The following WNK2 variants were observed in gnomAD, a reference collection of about 807,000 sequenced individuals.
The protein encoded by WNK2 is WNK lysine deficient protein kinase 2.
WNK2 carries 67 observed loss-of-function variants against 192.1 expected under a neutral mutation model. The observed-to-expected ratio is 0.35, with a 90% confidence interval of 0.29 to 0.43. The LOEUF (loss-of-function observed/expected upper bound fraction) is 0.43, where lower values mean the gene tolerates loss of function less well. WNK2 is among the 20% of genes least tolerant of loss of function. The pLI, the probability that WNK2 is intolerant of heterozygous loss-of-function variation, is 1.00. For missense variants in WNK2, 2,698 were observed against 3,089.7 expected (o/e 0.87, Z 3.01); for synonymous variants, 1,439 against 1,393.9 (o/e 1.03, Z -0.72).
chr9:93,243,493 T>G (rs1382482634), intron 7 of WNK2, among the ~76,000 whole-genome samples: 1 of 152,210 alleles, frequency 6.6e-6, no homozygotes, highest in African/African-American at 2.4e-5. Flanking sequence ...TGCATTTTTT[T>G]CATTGTGAGA....
intron 23 of WNK2, among the ~76,000 whole-genome samples, chr9:93,295,091 C>T (rs2133931505): frequency 6.6e-6 from 1 of 152,304 alleles, no homozygotes; most frequent in East Asian, 1.9e-4. Context: ...CTGAGCCCAG[C>T]CTGTGCTTTC....
At chr9:93,278,133 C>A (rs1456332285) in intron 19 of WNK2, among the ~76,000 whole-genome samples, 5 of 152,058 alleles carry the variant, frequency 3.3e-5, no homozygotes, top group African/African-American at 1.2e-4. Flanking sequence ...CAGCCTACTG[C>A]CTTGAAAAAG....
intron 2 of WNK2, among the ~76,000 whole-genome samples, chr9:93,222,682 A>G (rs1217009060): frequency 6.6e-6 from 1 of 151,972 alleles, no homozygotes; most frequent in Admixed American, 6.6e-5. Flanking sequence ...CATCTTTATA[A>G]TGATGTCCTT....
intron 19 of WNK2, among the ~76,000 whole-genome samples, chr9:93,281,790 G>A (rs545595611): frequency 1.3e-5 from 2 of 152,290 alleles, no homozygotes; most frequent in African/African-American, 4.8e-5. Context: ...TCCTTTAAAG[G>A]TTTGGAAGCC....
At chr9:93,240,314 G>A (rs1405489637) in intron 7 of WNK2, among the ~76,000 whole-genome samples, 1 of 152,182 alleles carries the variant, frequency 6.6e-6, no homozygotes, top group African/African-American at 2.4e-5. Context: ...CGCTTGCTTT[G>A]CCGGACTCTT....
At chr9:93,221,773 G>A (rs1311464822) in intron 2 of WNK2, among the ~76,000 whole-genome samples, 1 of 152,180 alleles carries the variant, frequency 6.6e-6, no homozygotes, top group South Asian at 2.1e-4. Flanking sequence ...GGCAGTCAGT[G>A]AGAGGCTTTC....
rs1445410798 is a variant in WNK2 at position 93,263,682 on chromosome 9, G to T, written c.3527G>T (p.Arg1176Leu). The T allele has an allele frequency of 1.3e-6, 2 of 1,573,266 alleles. No individual in the cohort carries two copies. Among genetic ancestry groups the T allele is most frequent in the Admixed American group, 1.8e-5 (1 of 54,748 alleles). Reference sequence around the variant, plus strand: ...CGAAAACACCACCGCAGGTCCACGCGTGCGCGCTCCCGGCAGGAGAGGGCC... The same window carrying T: ...CGAAAACACCACCGCAGGTCCACGCTTGCGCGCTCCCGGCAGGAGAGGGCC... ...AARKHHRRST[R>L]ARSRQERASR... Residue 1176 changes from arginine (R) to leucine (L), a missense_variant, in exon 15 of 30, where the codon CGT (arginine) becomes CTT (leucine). Around this residue, in one of 7 missense-constraint regions of WNK2, gnomAD observed 893 missense variants for 909.0 expected, o/e 0.98. Transcript: ENST00000427277.
chr9:93,292,189 G>C (rs1849468737), intron 21 of WNK2, 119 bp from the exon 22 acceptor site: 1 of 1,009,670 alleles, frequency 9.9e-7, no homozygotes, highest in Non-Finnish European at 1.5e-6. Flanking sequence ...CACTTCCATT[G>C]TCCTGCCTGT....
chr9:93,292,891 C>G lies in WNK2; in HGVS notation c.5426C>G (p.Ser1809Cys). Reference sequence around the variant, plus strand: ...GTGGGCGAGCCCGTGTCCAGCGACTCTGGGGACGAGGGCCCTCGGGCGAGA... The same window carrying G: ...GTGGGCGAGCCCGTGTCCAGCGACTGTGGGGACGAGGGCCCTCGGGCGAGA... ...VGVGEPVSSD[S>C]GDEGPRARPP... is the part of the protein sequence containing the mutation. Residue 1809 changes from serine (S) to cysteine (C), a missense_variant, in exon 23 of 30, where the codon TCT (serine) becomes TGT (cysteine). Transcript: ENST00000427277. 1.3e-6 allele frequency: 2 copies of G among 1,517,746 alleles called. No homozygotes were observed. Among genetic ancestry groups the G allele is most frequent in the Non-Finnish European group, 1.8e-6 (2 of 1,132,424 alleles). The allele number at this position is 1,517,746 out of a possible 1,614,324, so 94.0% of individuals were successfully genotyped here. A position where few individuals can be genotyped will look rare whatever the true frequency, so the allele number is the denominator to read the frequency against.
Position 93,299,255 on chromosome 9 carries a change from G to C in WNK2, c.6109G>C (p.Gly2037Arg), listed in dbSNP as rs1289681523. 9 of 1,563,510 alleles carry C rather than the reference G, an allele frequency of 5.8e-6. No individual in the cohort carries two copies. The highest frequency in any genetic ancestry group is 7.8e-6 in the Non-Finnish European group (9 of 1,148,776). ...AGCCAGTGATGGAGGCGGAGCGCGT[G>C]GCCAAGGTGATTTCCAGCTTGCCTG... ...GLASDGGGAR[G>R]QGWTVYHPTS... is the part of the protein sequence containing the mutation. The change falls in exon 25 of 30, where the codon GGC becomes CGC. Residue 2037 changes from glycine (G) to arginine (R), a missense_variant. Physicochemically the swap from Gly to Arg is moderately radical, Grantham distance 125. Coordinates refer to ENST00000427277, the MANE Select transcript of WNK2 (RefSeq NM_006648.4).
chr9:93,280,140 C>T (rs1847503860), intron 19 of WNK2, among the ~76,000 whole-genome samples: 1 of 152,086 alleles, frequency 6.6e-6, no homozygotes, highest in Non-Finnish European at 1.5e-5. Context: ...AGATATTTTC[C>T]AAGCACATAT....
In WNK2 at chr9:93,239,863, A is replaced by C; in HGVS notation, c.1429A>C (p.Arg477=). 1 of 1,604,560 alleles carries C rather than the reference A, an allele frequency of 6.2e-7. No homozygotes were observed. The highest frequency in any genetic ancestry group is 8.5e-7 in the Non-Finnish European group (1 of 1,175,792). ...CGGCAGGAAGTCCACCATCGCCCTG[A>C]GGCTCTGGGTGGAAGACCCCAAGAA... ...DHGRKSTIAL[R]LWVEDPKKLK... is the part of the protein sequence containing the mutation. The change falls in exon 7 of 30, where the codon AGG becomes CGG. Residue 477 remains arginine, a synonymous_variant. Transcript: ENST00000427277. This position sits in a 1 kb window ranked among gnomAD's most constrained non-coding sequence, Gnocchi z 4.2.
chr9:93,265,577 GA>G (rs1459245644), intron 16 of WNK2, among the ~76,000 whole-genome samples: 2 of 152,238 alleles, frequency 1.3e-5, no homozygotes, highest in Non-Finnish European at 2.9e-5. Flanking sequence ...CTGGGCCACT[GA>G]AACTGGAGAA....
At chr9:93,283,654 T>C (rs1848048159) in intron 19 of WNK2, among the ~76,000 whole-genome samples, 1 of 152,228 alleles carries the variant, frequency 6.6e-6, no homozygotes, top group South Asian at 2.1e-4. Context: ...GGTGACAAGA[T>C]TGCTGGAACA....
At chr9:93,255,937 A>G (rs1464164499) in intron 9 of WNK2, among the ~76,000 whole-genome samples, 1 of 152,158 alleles carries the variant, frequency 6.6e-6, no homozygotes, top group East Asian at 1.9e-4. Flanking sequence ...TGAGTTATGT[A>G]TAAGTTTTCA....
intron 2 of WNK2, among the ~76,000 whole-genome samples, chr9:93,215,373 G>A (rs186696743): frequency 6.6e-6 from 1 of 152,282 alleles, no homozygotes; most frequent in East Asian, 1.9e-4. Flanking sequence ...GCCTCCCATA[G>A]TGCTGGGATT....
At position 93,268,039 on chromosome 9, in the gene WNK2, C is replaced by T; in HGVS notation, c.3887C>T (p.Ala1296Val). 1.2e-6 allele frequency: 2 copies of T among 1,612,208 alleles called. No individual in the cohort carries two copies. The highest frequency in any genetic ancestry group is 1.7e-6 in the Non-Finnish European group (2 of 1,179,240). ...GTGEESRQSQ[A>V]NAPVYQQNVL... ...ATTCAGGAGAGCCGACAATCCCAAGCCAACGCCCCCGTGTATCAGCAGAAC... is the reference window on the plus strand; with the variant it reads ...ATTCAGGAGAGCCGACAATCCCAAGTCAACGCCCCCGTGTATCAGCAGAAC... The change falls in exon 18 of 30, where the codon GCC becomes GTC. Residue 1296 changes from alanine (A) to valine (V), a missense_variant. Ala to Val is a moderately conservative substitution (Grantham distance 64, BLOSUM62 0). Transcript: ENST00000427277.
chr9:93,261,394 T>C (rs1054186685), intron 12 of WNK2, among the ~76,000 whole-genome samples: 1 of 152,174 alleles, frequency 6.6e-6, no homozygotes, highest in African/African-American at 2.4e-5. Flanking sequence ...GCAGTCGCCC[T>C]CCAGGAGGCG....
intron 28 of WNK2, chr9:93,309,153 TTATTTCTATCTCAAA>T (rs1453078568): frequency 2.0e-6 from 2 of 982,122 alleles, no homozygotes; most frequent in Non-Finnish European, 2.4e-6. Context: ...AAGACTGGTG[TTATTTCTATCTCAAA>T]TATTTAGTAA....
Sources: gnomAD v4.1 joint callset for allele counts (sites outside exome capture counted in the v4.1 genomes callset) on GRCh38, gnomAD v4.1.1 for gene constraint, gnomAD v4.1.1 regional missense constraint, Gnocchi (gnomAD v3.1) non-coding constraint, MANE v1.5 for transcripts, NCBI Gene and HGNC (gene_info 2026-07-23, HGNC 2026-07-21) for gene names.